CFH: variants seen among roughly 807,000 people sequenced by gnomAD.
The protein encoded by CFH is complement factor H, also known as H factor 1 (complement).
CFH carries 53 observed loss-of-function variants against 147.3 expected under a neutral mutation model. That is an observed-to-expected ratio of 0.36 (90% CI 0.29 to 0.45). The LOEUF (loss-of-function observed/expected upper bound fraction) is 0.45. CFH is among the 20% of genes least tolerant of loss of function. The pLI, the probability that CFH is intolerant of heterozygous loss-of-function variation, is 1.00. For missense variants in CFH, 1,380 were observed against 1,498.0 expected, an observed-to-expected ratio of 0.92 and a Z score of 1.30; for synonymous variants, 536 against 489.4, an observed-to-expected ratio of 1.10 and a Z score of -1.26.
At chr1:196,746,493 A>T in intron 21 of CFH, among the ~76,000 whole-genome samples, 1 of 152,214 alleles carries the variant, frequency 6.6e-6, no homozygotes, top group East Asian at 1.9e-4. Flanking sequence ...TTATATTTAT[A>T]TTTTATTTTA....
Position 196,743,486 on chromosome 1 carries a change from T to C in CFH, c.3168T>C (p.Asn1056=), listed in dbSNP as rs148069859. The change falls in exon 20 of 22, where the codon AAT becomes AAC. Residue 1056 remains asparagine, a synonymous_variant. Coordinates refer to ENST00000367429, the MANE Select transcript of CFH (RefSeq NM_000186.4). ...TSCVNPPTVQ[N]AYIVSRQMSK... ...GTGTGAATCCGCCCACAGTACAAAA[T>C]GCTTATATAGTGTCGAGACAGATGA... The C allele has an allele frequency of 1.9e-6, 3 of 1,614,038 alleles. No homozygotes were observed. Among genetic ancestry groups the C allele is most frequent in the Non-Finnish European group, 2.5e-6 (3 of 1,179,930 alleles).
rs1172262877 is a variant in CFH at position 196,679,708 on chromosome 1, T to C, written c.705T>C (p.Tyr235=). The C allele has an allele frequency of 6.2e-7, 1 of 1,611,360 alleles. No homozygotes were observed. Among genetic ancestry groups the C allele is most frequent in the Non-Finnish European group, 8.5e-7 (1 of 1,178,158 alleles). Residue 235 remains tyrosine (Y), a synonymous_variant, in exon 6 of 22, where the codon TAT becomes TAC. Transcript: ENST00000367429. The part of the protein sequence containing the change: ...IIYKENERFQ[Y]KCNMGYEYSE... ...ATAAGGAGAATGAACGATTTCAATA[T>C]AAATGTAACATGGGTTATGAATACA...
At chr1:196,716,710 G>T (rs550085118) in intron 11 of CFH, among the ~76,000 whole-genome samples, 2 of 152,150 alleles carry the variant, frequency 1.3e-5, no homozygotes, top group East Asian at 3.9e-4. Flanking sequence ...AAAAGAGTGA[G>T]ATTAAGGGAC....
At chr1:196,742,177 C>T (rs1652831114) in intron 19 of CFH, 126 bp downstream of exon 19, 2 of 789,772 alleles carry the variant, frequency 2.5e-6, no homozygotes, top group African/African-American at 3.5e-5. Context: ...GAGTTCGAGA[C>T]CAGCCTGGCC....
At chr1:196,669,298 A>G (rs2149075132) in intron 1 of CFH, among the ~76,000 whole-genome samples, 1 of 152,320 alleles carries the variant, frequency 6.6e-6, no homozygotes, top group Non-Finnish European at 1.5e-5. Flanking sequence ...CTTGGGAAAA[A>G]TGCAAGCCCA....
Position 196,737,542 on chromosome 1 carries a change from A to T in CFH, c.2664A>T (p.Gln888His). 1.2e-6 allele frequency: 2 copies of T among 1,613,488 alleles called. No homozygotes were observed. Among genetic ancestry groups the T allele is most frequent in the Non-Finnish European group, 1.7e-6 (2 of 1,179,624 alleles). The change falls in exon 17 of 22, where the codon CAA (glutamine) becomes CAT (histidine). Residue 888 changes from glutamine to histidine, a missense_variant. Coordinates refer to ENST00000367429, the MANE Select transcript of CFH (RefSeq NM_000186.4). ...HGTINSSRSS[Q>H]ESYAHGTKLS... ...CCATTAATTCATCCAGGTCTTCACAAGAAAGTTATGCACATGGGACTAAAT... is the reference window on the plus strand; with the variant it reads ...CCATTAATTCATCCAGGTCTTCACATGAAAGTTATGCACATGGGACTAAAT...
chr1:196,673,457 T>A (rs1667352139), intron 2 of CFH: 3 of 402,840 alleles, frequency 7.4e-6, no homozygotes, highest in Admixed American at 3.8e-5. Context: ...CTGCCTCAAC[T>A]TCCCGAGTAG....
At chr1:196,666,551 C>A (rs1241051750) in intron 1 of CFH, among the ~76,000 whole-genome samples, 2 of 151,628 alleles carry the variant, frequency 1.3e-5, no homozygotes, top group Admixed American at 1.3e-4. Flanking sequence ...CTTTGGGAGG[C>A]CGAGGTGGGC....
chr1:196,657,665 C>T (rs1224928855), intron 1 of CFH, among the ~76,000 whole-genome samples: 1 of 152,046 alleles, frequency 6.6e-6, no homozygotes, highest in South Asian at 2.1e-4. Context: ...TGCAAAATAC[C>T]TATTTTTGCT....
At position 196,670,304 on chromosome 1, in the gene CFH, A is replaced by G. The variant is rs150770934; in HGVS notation, c.59-2674A>G. 2.6e-3 allele frequency among the ~76,000 whole-genome samples: 403 copies of G among 152,190 alleles called. 2 individuals are homozygous for G. The highest frequency in any genetic ancestry group is 0.014 in the East Asian group (70 of 5,166). ...GGGGGACTGTTGGGAAGGCATGATT[A>G]TGTTTTGAAATGTGAGGACATGAGA... On this transcript the variant is annotated intron_variant, in intron 1 of 21. Coordinates refer to ENST00000367429, the MANE Select transcript of CFH (RefSeq NM_000186.4).
At chr1:196,704,784 A>G (rs1426535484) in intron 9 of CFH, among the ~76,000 whole-genome samples, 1 of 152,214 alleles carries the variant, frequency 6.6e-6, no homozygotes, top group Non-Finnish European at 1.5e-5. Context: ...CAGGACAAAA[A>G]CATGGAACTG....
At chr1:196,672,204 A>T (rs1325944743) in intron 1 of CFH, among the ~76,000 whole-genome samples, 1 of 152,142 alleles carries the variant, frequency 6.6e-6, no homozygotes, top group African/African-American at 2.4e-5. Context: ...TCTTCCATTC[A>T]GACTAAATAG....
Position 196,652,090 on chromosome 1 carries a change from G to A in CFH, c.-28G>A. On this transcript the variant is annotated 5_prime_UTR_variant, in exon 1 of 22. Coordinates refer to ENST00000367429, the MANE Select transcript of CFH (RefSeq NM_000186.4). Reference sequence around the variant, plus strand: ...TGGACGTTGTGAACAGAGTTAGCTGGTAAATGTCCTCTTAAAAGATCCAAA... The same window carrying A: ...TGGACGTTGTGAACAGAGTTAGCTGATAAATGTCCTCTTAAAAGATCCAAA... 6.6e-7 allele frequency: 1 copy of A among 1,523,194 alleles called. No homozygotes were observed. The highest frequency in any genetic ancestry group is 1.7e-5 in the Admixed American group (1 of 59,856). The allele number at this position is 1,523,194 out of a possible 1,614,324, so 94.4% of individuals were successfully genotyped here.
intron 19 of CFH, among the ~76,000 whole-genome samples, chr1:196,743,211 T>C (rs1193319092): frequency 6.6e-6 from 1 of 152,156 alleles, no homozygotes; most frequent in Non-Finnish European, 1.5e-5. Flanking sequence ...AAAATAAAGG[T>C]CTATCAGTGT....
chr1:196,659,759 C>A (rs1666841383), intron 1 of CFH, among the ~76,000 whole-genome samples: 1 of 152,134 alleles, frequency 6.6e-6, no homozygotes, highest in African/African-American at 2.4e-5. Context: ...GGCTTCCACT[C>A]AGACCTGTTT....
chr1:196,737,066 G>A (rs1573076248), intron 16 of CFH, 60 bp downstream of exon 16: 1 of 1,406,984 alleles, frequency 7.1e-7, no homozygotes, highest in South Asian at 1.2e-5. Context: ...ATTCTCTTGT[G>A]CTTCGTGTAA....
intron 11 of CFH, among the ~76,000 whole-genome samples, chr1:196,716,280 C>T (rs1366098710): frequency 6.6e-6 from 1 of 151,926 alleles, no homozygotes; most frequent in Non-Finnish European, 1.5e-5. Context: ...TGTGGGAAAA[C>T]AAGTATATGC....
intron 19 of CFH, among the ~76,000 whole-genome samples, chr1:196,742,786 T>C (rs886763459): frequency 2.2e-4 from 34 of 152,204 alleles, no homozygotes; most frequent in African/African-American, 6.0e-4. Flanking sequence ...CACATGGATA[T>C]GAAACTCTCT....
rs373288603 is a variant in CFH at position 196,665,010 on chromosome 1, T to A, written c.59-7968T>A. Among the ~76,000 whole-genome samples, 402 of 151,858 alleles carry A rather than the reference T, an allele frequency of 2.6e-3. 2 individuals carry two copies. The highest frequency in any genetic ancestry group is 0.014 in the East Asian group (71 of 5,178). On this transcript the variant is annotated intron_variant, in intron 1 of 21. Coordinates refer to ENST00000367429, the MANE Select transcript of CFH (RefSeq NM_000186.4). ...TTACCTAATTTTCCAGCAAAATTGA[T>A]TATCATCTCCTTTACATTTTTGTGT...
Sources: gnomAD v4.1 joint callset for allele counts (sites outside exome capture counted in the v4.1 genomes callset) on GRCh38, gnomAD v4.1.1 for gene constraint, MANE v1.5 for transcripts, NCBI Gene and HGNC (gene_info 2026-07-23, HGNC 2026-07-21) for gene names.